MSRA: variants seen among roughly 807,000 people sequenced by gnomAD.
MSRA encodes mitochondrial peptide methionine sulfoxide reductase.
In MSRA, 54 loss-of-function variants were observed where a neutral mutation model predicts 31.3. The ratio of observed to expected loss-of-function variants is 1.73; its 90% confidence interval spans 1.39 to 2.17. The LOEUF is 2.17. Ranked by LOEUF, MSRA falls within the 30% of genes most tolerant of loss-of-function variation. The pLI is 0.00. For missense variants in MSRA, 507 were observed against 300.9 expected (o/e 1.69, Z -5.07); for synonymous variants, 169 against 116.5 (o/e 1.45, Z -2.90).
chr8:10,269,423 C>T (rs1190202720), intron 3 of MSRA, among the ~76,000 whole-genome samples: 3 of 152,212 alleles, frequency 2.0e-5, no homozygotes, highest in Non-Finnish European at 4.4e-5. Flanking sequence ...ACCCGTGTTA[C>T]CACTGATTAC....
At chr8:10,122,533 T>G (rs76279348) in intron 1 of MSRA, among the ~76,000 whole-genome samples, 1 of 126,732 alleles carries the variant, frequency 7.9e-6, no homozygotes, top group South Asian at 2.8e-4. Context: ...TTTTTTTGTG[T>G]TTTTTTTTTT....
chr8:10,375,805 C>A (rs981556236), intron 5 of MSRA, among the ~76,000 whole-genome samples: 1 of 152,218 alleles, frequency 6.6e-6, no homozygotes, highest in African/African-American at 2.4e-5. Flanking sequence ...ATGGTCATTT[C>A]TTTTCTCTGT....
rs1563337814 is a variant in MSRA, at chr8:10,312,223, G to C, written c.437-7660G>C. Among the ~76,000 whole-genome samples, 3 of 152,238 alleles carry C rather than the reference G, an allele frequency of 2.0e-5. No individual in the cohort carries two copies. In the East Asian group the frequency reaches 5.8e-4, roughly 29 times the overall value. ...ACAAACAGAAGATCAAAAAAGCCAA[G>C]AGTCGATATTTCACAATGGCTACAA... On this transcript the variant is annotated intron_variant, in intron 4 of 5. Coordinates refer to ENST00000317173, the MANE Select transcript of MSRA (RefSeq NM_012331.5).
intron 5 of MSRA, among the ~76,000 whole-genome samples, chr8:10,330,206 T>TACAC (rs58184031): frequency 0.16 from 23,027 of 148,026 alleles, 2,056 homozygotes; most frequent in Non-Finnish European, 0.2. Context: ...AAATGTGATA[T>TACAC]ACACACACAC....
chr8:10,127,683 T>C (rs1213738069), intron 1 of MSRA, among the ~76,000 whole-genome samples: 1 of 152,226 alleles, frequency 6.6e-6, no homozygotes, highest in Admixed American at 6.5e-5. Flanking sequence ...GTTATATTTA[T>C]GGATAAAAGA....
intron 4 of MSRA, among the ~76,000 whole-genome samples, chr8:10,311,848 T>C (rs938562751): frequency 2.6e-5 from 4 of 152,100 alleles, no homozygotes; most frequent in Admixed American, 2.6e-4. Flanking sequence ...GCCCAGGAGG[T>C]TGAGGCTGCA....
intron 1 of MSRA, among the ~76,000 whole-genome samples, chr8:10,204,267 T>C (rs1397880868): frequency 6.6e-6 from 1 of 152,226 alleles, no homozygotes; most frequent in Non-Finnish European, 1.5e-5. Flanking sequence ...AAAAACAATT[T>C]AGTGTAGCCT....
intron 1 of MSRA, among the ~76,000 whole-genome samples, chr8:10,142,951 C>G (rs1048380745): frequency 2.0e-5 from 3 of 152,056 alleles, no homozygotes; most frequent in Non-Finnish European, 4.4e-5. Context: ...AAGAAAGCAC[C>G]TTCCTTTTCC....
chr8:10,300,086 A>T (rs1393827328), intron 3 of MSRA, among the ~76,000 whole-genome samples: 3 of 151,864 alleles, frequency 2.0e-5, no homozygotes, highest in African/African-American at 7.3e-5. Flanking sequence ...TAGTGGTAAG[A>T]GAGAAAAGCA....
intron 4 of MSRA, among the ~76,000 whole-genome samples, chr8:10,313,409 C>G (rs1249093592): frequency 2.0e-5 from 3 of 151,484 alleles, no homozygotes; most frequent in Admixed American, 6.6e-5. Context: ...ACTGGAATTT[C>G]AGGGTTTACT....
At chr8:10,399,572 G>A (rs183126969) in intron 5 of MSRA, among the ~76,000 whole-genome samples, 14 of 152,156 alleles carry the variant, frequency 9.2e-5, no homozygotes, top group African/African-American at 9.7e-5. Context: ...ACCAGAAGCC[G>A]AGCAGATGCC....
chr8:10,255,424 G>T (rs1475289847), intron 3 of MSRA, among the ~76,000 whole-genome samples: 1 of 152,202 alleles, frequency 6.6e-6, no homozygotes, highest in East Asian at 1.9e-4. Context: ...CGTTCTCCCA[G>T]TGAAATTCCG....
chr8:10,089,785 A>G (rs896963499), intron 1 of MSRA, among the ~76,000 whole-genome samples: 4 of 152,218 alleles, frequency 2.6e-5, no homozygotes, highest in Non-Finnish European at 4.4e-5. Flanking sequence ...ACCAAACCCA[A>G]GGGGCGTCCT....
At chr8:10,317,315 A>G (rs1801782215) in intron 4 of MSRA, among the ~76,000 whole-genome samples, 1 of 152,200 alleles carries the variant, frequency 6.6e-6, no homozygotes, top group Admixed American at 6.5e-5. Context: ...CACGTCTGCA[A>G]TCAGGATGGA....
intron 1 of MSRA, among the ~76,000 whole-genome samples, chr8:10,153,396 A>G (rs34261818): frequency 0.19 from 29,450 of 151,580 alleles, 3,311 homozygotes; most frequent in East Asian, 0.51. Context: ...CCTGCTGTAT[A>G]CTTTCTTCCT....
chr8:10,176,119 G>A (rs1806028469), intron 1 of MSRA, among the ~76,000 whole-genome samples: 1 of 152,178 alleles, frequency 6.6e-6, no homozygotes. Context: ...GGAAATCTGT[G>A]TTTAATGCAG....
At chr8:10,356,799 G>A (rs1028811310) in intron 5 of MSRA, among the ~76,000 whole-genome samples, 2 of 150,468 alleles carry the variant, frequency 1.3e-5, no homozygotes, top group African/African-American at 4.9e-5. Context: ...TTGTTCATAA[G>A]CCACCCAGTC....
At chr8:10,308,798 G>C (rs923181151) in intron 4 of MSRA, among the ~76,000 whole-genome samples, 1 of 152,142 alleles carries the variant, frequency 6.6e-6, no homozygotes. Flanking sequence ...ATAGCTCTTG[G>C]TCTGCCACCA....
At chr8:10,086,907 GGAGA>G (rs1014710426) in intron 1 of MSRA, among the ~76,000 whole-genome samples, 15 of 151,106 alleles carry the variant, frequency 9.9e-5, no homozygotes, top group Non-Finnish European at 1.9e-4. Flanking sequence ...AGAGGGAGAG[GGAGA>G]GAGAGGAGAA....
Sources: allele counts gnomAD v4.1 joint callset (sites outside exome capture counted in the v4.1 genomes callset), GRCh38; gene constraint gnomAD v4.1.1; transcripts MANE v1.5; gene names NCBI Gene and HGNC (gene_info 2026-07-23, HGNC 2026-07-21).